The following PTPN14 variants were observed in gnomAD, a reference collection of about 807,000 sequenced individuals.
PTPN14 encodes the protein tyrosine-protein phosphatase non-receptor type 14.
PTPN14 carries 53 observed loss-of-function variants against 126.8 expected under a neutral mutation model. That is an observed-to-expected ratio of 0.42 (90% confidence interval 0.34 to 0.53). The LOEUF is 0.53. Ranked by LOEUF, PTPN14 falls within the 20% of genes least tolerant of loss-of-function variation. The probability of loss-of-function intolerance (pLI) is 0.08; values close to 1 mark genes in which losing one functional copy is unlikely to be tolerated. For synonymous variants in PTPN14, 630 were observed against 599.3 expected (o/e 1.05, Z -0.75); for missense variants, 1,257 against 1,552.9 (o/e 0.81, Z 3.20).
At chr1:214,538,586 T>C (rs979506817) in intron 1 of PTPN14, among the ~76,000 whole-genome samples, 4 of 152,210 alleles carry the variant, frequency 2.6e-5, no homozygotes, top group African/African-American at 9.6e-5. Context: ...ATATTATTTA[T>C]ATTCACAATG....
intron 10 of PTPN14, among the ~76,000 whole-genome samples, chr1:214,392,912 T>C (rs748935405): frequency 6.6e-6 from 1 of 152,200 alleles, no homozygotes; most frequent in South Asian, 2.1e-4. Context: ...GTGTCCACTG[T>C]GGGAGTGGAA....
chr1:214,465,951 C>CTTTCTTTTTTTTTTTTTT (rs1324868342), intron 1 of PTPN14, among the ~76,000 whole-genome samples: 11 of 59,022 alleles, frequency 1.9e-4, no homozygotes, highest in African/African-American at 7.6e-4. Flanking sequence ...CAGTTACTTC[C>CTTTCTTTTTTTTTTTTTT]TTTTTTTTTT....
At chr1:214,458,684 G>T (rs1660439810) in intron 2 of PTPN14, among the ~76,000 whole-genome samples, 1 of 152,202 alleles carries the variant, frequency 6.6e-6, no homozygotes, top group Admixed American at 6.5e-5. Context: ...TTTGGTCCAA[G>T]CTGACATTCC....
intron 5 of PTPN14, among the ~76,000 whole-genome samples, chr1:214,406,458 G>A (rs1457970072): frequency 2.0e-5 from 3 of 151,096 alleles, no homozygotes; most frequent in Non-Finnish European, 4.4e-5. Context: ...TCCAGCCTGG[G>A]TGACAGAGCG....
chr1:214,466,217 C>T lies in PTPN14; in HGVS notation c.-154-1260G>A, dbSNP rs1660633972. 2.0e-5 allele frequency among the ~76,000 whole-genome samples: 3 copies of T among 151,294 alleles called. No homozygotes were observed. The South Asian group carries it at 6.3e-4, about 32-fold the overall frequency. ...ACTCATGTGATCCACCCGCCTTGGC[C>T]TCCCAAAGTACTGGGGTTACAAGCG... On this transcript the variant is annotated intron_variant, in intron 1 of 18. Coordinates refer to ENST00000366956, the MANE Select transcript of PTPN14 (RefSeq NM_005401.5).
chr1:214,532,967 G>C, intron 1 of PTPN14: 1 of 775,026 alleles, frequency 1.3e-6, no homozygotes, highest in Middle Eastern at 3.5e-4. Flanking sequence ...CGGAAGAACC[G>C]AGAGGAGCTG....
chr1:214,505,395 G>A (rs983656228), intron 1 of PTPN14, among the ~76,000 whole-genome samples: 1 of 152,110 alleles, frequency 6.6e-6, no homozygotes, highest in African/African-American at 2.4e-5. Context: ...CCAAAGGGAG[G>A]TCAGATAAGG....
intron 1 of PTPN14, among the ~76,000 whole-genome samples, chr1:214,511,053 G>T (rs570790665): frequency 8.1e-5 from 12 of 147,482 alleles, no homozygotes; most frequent in East Asian, 2.0e-4. Context: ...TAAGTCTTTG[G>T]TTTTTTTTTT....
intron 1 of PTPN14, among the ~76,000 whole-genome samples, chr1:214,494,050 T>C (rs899763686): frequency 6.6e-6 from 1 of 152,048 alleles, no homozygotes; most frequent in Non-Finnish European, 1.5e-5. Flanking sequence ...AGTGCCTTCC[T>C]TTTCCTCTTC....
intron 16 of PTPN14, among the ~76,000 whole-genome samples, chr1:214,371,868 T>C (rs1053428075): frequency 1.3e-5 from 2 of 152,168 alleles, no homozygotes; most frequent in African/African-American, 4.8e-5. Context: ...AAGGAAAATA[T>C]GACTTTTTCC....
At chr1:214,459,847 G>A (rs1660469359) in intron 2 of PTPN14, among the ~76,000 whole-genome samples, 1 of 152,128 alleles carries the variant, frequency 6.6e-6, no homozygotes, top group Non-Finnish European at 1.5e-5. Context: ...CTCCTCCTTG[G>A]AGTCCTCTGA....
At chr1:214,377,854 A>C in intron 14 of PTPN14, 105 bp downstream of exon 14, 2 of 1,342,886 alleles carry the variant, frequency 1.5e-6, no homozygotes, top group South Asian at 2.8e-5. Flanking sequence ...GATTGAAGAA[A>C]GAATGCATCA....
intron 5 of PTPN14, among the ~76,000 whole-genome samples, chr1:214,410,258 T>A (rs1659272067): frequency 6.6e-6 from 1 of 152,058 alleles, no homozygotes. Context: ...TTTCTTCTAG[T>A]GTTTTATACT....
intron 11 of PTPN14, 108 bp from the exon 12 acceptor site, chr1:214,387,030 C>T (rs986843286): frequency 8.1e-6 from 8 of 982,978 alleles, no homozygotes; most frequent in East Asian, 8.0e-5. Flanking sequence ...AAGGGAGGCT[C>T]GTGGCAGCTG....
At chr1:214,417,707 T>G (rs1435142892) in intron 3 of PTPN14, among the ~76,000 whole-genome samples, 4 of 152,132 alleles carry the variant, frequency 2.6e-5, no homozygotes, top group Non-Finnish European at 5.9e-5. Flanking sequence ...CTTCTCAGAG[T>G]GAGCAGGTCC....
At chr1:214,533,234 A>G in intron 1 of PTPN14, 1 of 654,648 alleles carries the variant, frequency 1.5e-6, no homozygotes, top group Non-Finnish European at 2.8e-6. Flanking sequence ...GCCCAGACCC[A>G]GGAAGAGGCG....
At chr1:214,358,186 C>T in intron 18 of PTPN14, 136 bp from the exon 19 acceptor site, 1 of 1,082,798 alleles carries the variant, frequency 9.2e-7, no homozygotes, top group Middle Eastern at 3.2e-4. Flanking sequence ...TCTGCCCTGG[C>T]TGGGTTTTAT....
At position 214,381,196 on chromosome 1, in the gene PTPN14, C is replaced by T. The variant is rs561412004; in HGVS notation, c.2544+2115G>A. On this transcript the variant is annotated intron_variant, in intron 13 of 18. Coordinates refer to ENST00000366956, the MANE Select transcript of PTPN14 (RefSeq NM_005401.5). ...TTGGCTACAGGCTATTTGTTTAATA[C>T]GAGTAACAAGAGAAGAGGATGAATA... 2.0e-5 allele frequency among the ~76,000 whole-genome samples: 3 copies of T among 152,176 alleles called. No individual in the cohort carries two copies. The South Asian group carries it at 6.2e-4, about 32-fold the overall frequency.
chr1:214,498,082 A>G, intron 1 of PTPN14, among the ~76,000 whole-genome samples: 1 of 152,228 alleles, frequency 6.6e-6, no homozygotes, highest in Non-Finnish European at 1.5e-5. Context: ...TCAGAAAAAT[A>G]ATACAAGTTA....
Sources: gnomAD v4.1 joint callset for allele counts (sites outside exome capture counted in the v4.1 genomes callset) on GRCh38, gnomAD v4.1.1 for gene constraint, MANE v1.5 for transcripts, NCBI Gene and HGNC (gene_info 2026-07-23, HGNC 2026-07-21) for gene names.